LPCAT4: variants seen among roughly 807,000 people sequenced by gnomAD.
LPCAT4 encodes the protein lysophospholipid acyltransferase LPCAT4.
A neutral mutation model predicts 66.5 loss-of-function variants in LPCAT4; 30 were observed. That is an observed-to-expected ratio of 0.45 (90% CI 0.34 to 0.61). LPCAT4 has a LOEUF of 0.61. LPCAT4 is among the 20% of genes least tolerant of loss of function. The pLI is 0.01. For missense variants in LPCAT4, 557 were observed against 656.7 expected, an observed-to-expected ratio of 0.85 and a Z score of 1.66; for synonymous variants, 253 against 262.1, an observed-to-expected ratio of 0.97 and a Z score of 0.34.
rs1890867450 is a variant in LPCAT4 at position 34,358,635 on chromosome 15, T to C, written c.*492A>G. 1 of 152,326 alleles carries C rather than the reference T, an allele frequency of 6.6e-6. No individual in the cohort carries two copies. Among genetic ancestry groups the C allele is most frequent in the Non-Finnish European group, 1.5e-5 (1 of 68,058 alleles). The allele number at this position is 152,326 out of a possible 1,614,324, so 9.4% of individuals were successfully genotyped here. A position where few individuals can be genotyped will look rare whatever the true frequency, so the allele number is the denominator to read the frequency against. ...TTAAATATGGAATGGTAGCAAGCTA[T>C]TTTTTAATCTTTAATGAGGACAGAG... On this transcript the variant is annotated 3_prime_UTR_variant, in exon 14 of 14. Coordinates refer to ENST00000314891, the MANE Select transcript of LPCAT4 (RefSeq NM_153613.3).
Position 34,364,062 on chromosome 15 carries a change from A to G in LPCAT4, c.603T>C (p.Phe201=). Residue 201 remains phenylalanine, a synonymous_variant, in exon 5 of 14, where the codon TTT becomes TTC. Transcript: ENST00000314891. ...TCTTGTTGGAACAGGTGCCCTCAGG[A>G]AAGAATAGCACCTGGGGTAAAAAAG... ...SGGKWPQVLF[F]PEGTCSNKKA... is the part of the protein sequence containing the mutation. The G allele has an allele frequency of 2.5e-6, 4 of 1,613,226 alleles. No individual in the cohort carries two copies. Among genetic ancestry groups the G allele is most frequent in the Non-Finnish European group, 1.7e-6 (2 of 1,179,180 alleles).
chr15:34,366,846 T>C, intron 1 of LPCAT4, 141 bp downstream of exon 1: 1 of 1,328,024 alleles, frequency 7.5e-7, no homozygotes, highest in Non-Finnish European at 1.0e-6. Flanking sequence ...CGCCCCCACG[T>C]GCGCACCCCC....
intron 12 of LPCAT4, 174 bp from the exon 13 acceptor site, chr15:34,359,919 T>C: frequency 2.5e-6 from 2 of 815,592 alleles, no homozygotes; most frequent in Non-Finnish European, 3.8e-6. Context: ...TTCCTTCTTC[T>C]TCCTTCTTCT....
In LPCAT4 at chr15:34,362,245, C is replaced by T. The variant is rs1210654727; in HGVS notation, c.961G>A (p.Ala321Thr). 2.5e-6 allele frequency: 4 copies of T among 1,613,976 alleles called. No homozygotes were observed. The highest frequency in any genetic ancestry group is 3.4e-6 in the Non-Finnish European group (4 of 1,180,042). ...PVIVVGRLKV[A>T]LEPQLWELGK... ...AGTTCCCAGAGCTGTGGTTCCAACGCCACCTTCAGCCGGCCCACCACAATC... is the reference window on the plus strand; with the variant it reads ...AGTTCCCAGAGCTGTGGTTCCAACGTCACCTTCAGCCGGCCCACCACAATC... The change falls in exon 10 of 14, where the codon GCG (alanine) becomes ACG (threonine). Residue 321 changes from alanine (A) to threonine (T), a missense_variant. This residue lies in a region of LPCAT4 where 392 missense variants were observed against 473.9 expected (regional missense o/e 0.83). Transcript: ENST00000314891.
At chr15:34,362,948 C>A (rs1566894390) in intron 7 of LPCAT4, 112 bp from the exon 8 acceptor site, 1 of 1,042,212 alleles carries the variant, frequency 9.6e-7, no homozygotes, top group Non-Finnish European at 1.5e-6. Context: ...AAAAGTTCTG[C>A]CCATTGATAA....
At position 34,367,142 on chromosome 15, in the gene LPCAT4, C is replaced by G. The variant is rs1891101311; in HGVS notation, c.-42G>C. Reference sequence around the variant, plus strand: ...AGGGAGGGCACCCCGGCCCTGGCCCCGGCCACCACTCTGCAGAGCAGCTGC... The same window carrying G: ...AGGGAGGGCACCCCGGCCCTGGCCCGGGCCACCACTCTGCAGAGCAGCTGC... On this transcript the variant is annotated 5_prime_UTR_variant, in exon 1 of 14. Transcript: ENST00000314891. The G allele has an allele frequency of 2.7e-6, 4 of 1,488,240 alleles. No individual in the cohort carries two copies. Among genetic ancestry groups the G allele is most frequent in the South Asian group, 2.6e-5 (2 of 76,546 alleles). 92.2% of individuals were successfully genotyped at this position (1,488,240 alleles called of 1,614,324 possible).
chr15:34,365,350 G>T, intron 2 of LPCAT4, 122 bp from the exon 3 acceptor site: 2 of 1,224,394 alleles, frequency 1.6e-6, no homozygotes, highest in Non-Finnish European at 2.3e-6. Context: ...TGACCAAGGG[G>T]CCAAGGTCTC....
rs1891008985 is a variant in LPCAT4 at position 34,363,958 on chromosome 15, C to T, written c.652+55G>A. The T allele has an allele frequency of 5.7e-6, 9 of 1,567,024 alleles. No individual in the cohort carries two copies. Among genetic ancestry groups the T allele is most frequent in the Admixed American group, 1.7e-5 (1 of 58,724 alleles). On this transcript the variant is annotated intron_variant, in intron 5 of 13. Coordinates refer to ENST00000314891, the MANE Select transcript of LPCAT4 (RefSeq NM_153613.3). This position sits in a 1 kb window ranked among gnomAD's most constrained non-coding sequence, Gnocchi z 4.3. ...TCTTGGGTTATTTCAGAGTCCCTCC[C>T]CAAATCTGGAACTTCTTTTTCCTAC...
chr15:34,363,873 C>A lies in LPCAT4; in HGVS notation c.652+140G>T. 1 of 1,268,682 alleles carries A rather than the reference C, an allele frequency of 7.9e-7. No individual in the cohort carries two copies. 78.6% of individuals were successfully genotyped at this position (1,268,682 alleles called of 1,614,324 possible). On this transcript the variant is annotated intron_variant, in intron 5 of 13. Coordinates refer to ENST00000314891, the MANE Select transcript of LPCAT4 (RefSeq NM_153613.3). This position sits in a 1 kb window ranked among gnomAD's most constrained non-coding sequence, Gnocchi z 4.3. Reference sequence around the variant, plus strand: ...TTTTCTCTCTGACTCCTCGACTTGACAGCATTAGCTAGGAGGTTCCTGGTC... The same window carrying A: ...TTTTCTCTCTGACTCCTCGACTTGAAAGCATTAGCTAGGAGGTTCCTGGTC...
In LPCAT4 at chr15:34,367,010, G is replaced by C. The variant is rs1237536929; in HGVS notation, c.91C>G (p.Leu31Val). Reference sequence around the variant, plus strand: ...ACCTTAACCCTCTGGAGGCGAGAGAGATGTAACTCATGCACGAAGGGGTTG... The same window carrying C: ...ACCTTAACCCTCTGGAGGCGAGAGACATGTAACTCATGCACGAAGGGGTTG... ...SPNPFVHELH[L>V]SRLQRVKFCL... The change falls in exon 1 of 14, where the codon CTC becomes GTC. Residue 31 changes from leucine to valine, a missense_variant. Transcript: ENST00000314891. 2 of 1,483,002 alleles carry C rather than the reference G, an allele frequency of 1.3e-6. No homozygotes were observed. The highest frequency in any genetic ancestry group is 9.1e-7 in the Non-Finnish European group (1 of 1,094,094). 91.9% of individuals were successfully genotyped at this position (1,483,002 alleles called of 1,614,324 possible).
chr15:34,366,240 C>A (rs1459535110), intron 1 of LPCAT4, among the ~76,000 whole-genome samples: 1 of 152,198 alleles, frequency 6.6e-6, no homozygotes, highest in African/African-American at 2.4e-5. Context: ...ATATGGGAGA[C>A]AAGAGCTCGG....
intron 1 of LPCAT4, among the ~76,000 whole-genome samples, chr15:34,366,738 G>A (rs1891087139): frequency 6.6e-6 from 1 of 151,038 alleles, no homozygotes; most frequent in Non-Finnish European, 1.5e-5. Flanking sequence ...GTCCCCTGCA[G>A]CCCTCCATCC....
In LPCAT4 at chr15:34,361,511, G is replaced by T. The variant is rs369192033; in HGVS notation, c.1032C>A (p.Asp344Glu). The T allele has an allele frequency of 5.0e-6, 8 of 1,613,782 alleles. No individual in the cohort carries two copies. The highest frequency in any genetic ancestry group is 5.9e-6 in the Non-Finnish European group (7 of 1,180,040). Residue 344 changes from aspartate (D) to glutamate (E), a missense_variant, in exon 11 of 14, where the codon GAC (aspartate) becomes GAA (glutamate). Physicochemically the swap from Asp to Glu is conservative, Grantham distance 45. Transcript: ENST00000314891. ...GACTCCGGCCTGGCTCTGCCCCAGC[G>T]TCCACATAGCCAGCGGACAGCCTAC... Reference protein sequence around the residue: ...RKAGLSAGYVDAGAEPGRSRM... With the variant: ...RKAGLSAGYVEAGAEPGRSRM...
In LPCAT4 at chr15:34,363,709, G is replaced by A. The variant is rs757684300; in HGVS notation, c.663C>T (p.Ile221=). ...GGACAGGCTGCACAGGCACCCCTGCGATGAAGGCTCCTAAATCCCATTTCC... is the reference window on the plus strand; with the variant it reads ...GGACAGGCTGCACAGGCACCCCTGCAATGAAGGCTCCTAAATCCCATTTCC... ...ALLKFKPGAF[I]AGVPVQPVLI... is the part of the protein sequence containing the mutation. Residue 221 remains isoleucine (I), a synonymous_variant, in exon 6 of 14, where the codon ATC becomes ATT. Coordinates refer to ENST00000314891, the MANE Select transcript of LPCAT4 (RefSeq NM_153613.3). This position sits in a 1 kb window ranked among gnomAD's most constrained non-coding sequence, Gnocchi z 4.3. The A allele has an allele frequency of 1.1e-5, 17 of 1,614,192 alleles. No individual in the cohort carries two copies. The South Asian group carries it at 1.1e-4, about 10-fold the overall frequency.
In LPCAT4 at chr15:34,361,475, G is replaced by A; in HGVS notation, c.1068C>T (p.Ser356=). Residue 356 remains serine, a synonymous_variant, in exon 11 of 14, where the codon AGC becomes AGT. Transcript: ENST00000314891. ...GAEPGRSRMI[S]QEEFARQLQL... ...GTAGCTGCCTGGCAAACTCTTCCTG[G>A]CTGATCATTCGACTCCGGCCTGGCT... 6.2e-7 allele frequency: 1 copy of A among 1,614,142 alleles called. No individual in the cohort carries two copies. Among genetic ancestry groups the A allele is most frequent in the Non-Finnish European group, 8.5e-7 (1 of 1,180,034 alleles).
Position 34,359,590 on chromosome 15 carries a change from G to A in LPCAT4, c.1398C>T (p.Leu466=). 1 of 1,611,734 alleles carries A rather than the reference G, an allele frequency of 6.2e-7. No individual in the cohort carries two copies. Among genetic ancestry groups the A allele is most frequent in the Non-Finnish European group, 8.5e-7 (1 of 1,179,642 alleles). Reference sequence around the variant, plus strand: ...GGGGCTGAGAAGGCAGTGACTCACAGAGGGAGAGGCCTTGGCTGGATCCTG... The same window carrying A: ...GGGGCTGAGAAGGCAGTGACTCACAAAGGGAGAGGCCTTGGCTGGATCCTG... ...CQAGSSQGLS[L]CQFQNFSLHD... is the part of the protein sequence containing the mutation. The change falls in exon 13 of 14, where the codon CTC becomes CTT. Residue 466 remains leucine, a splice_region_variant and synonymous_variant. Coordinates refer to ENST00000314891, the MANE Select transcript of LPCAT4 (RefSeq NM_153613.3).
chr15:34,362,365 G>T (rs373830103), intron 9 of LPCAT4, 44 bp from the exon 10 acceptor site: 3 of 1,611,860 alleles, frequency 1.9e-6, no homozygotes, highest in Middle Eastern at 1.7e-4. Context: ...GGAAGCAGAA[G>T]AAACTTCTGA....
intron 10 of LPCAT4, 59 bp downstream of exon 10, chr15:34,362,136 TA>T: frequency 2.2e-6 from 2 of 898,762 alleles, no homozygotes; most frequent in Non-Finnish European, 3.1e-6. Flanking sequence ...CTCCCCTTCT[TA>T]TTCTCTCTCT....
At chr15:34,359,359 C>A in intron 13 of LPCAT4, 57 bp from the exon 14 acceptor site, 1 of 1,442,600 alleles carries the variant, frequency 6.9e-7, no homozygotes, top group South Asian at 1.5e-5. Flanking sequence ...AAGAGAATCT[C>A]CCTGCTTTTT....
Sources: gnomAD v4.1 joint callset for allele counts (sites outside exome capture counted in the v4.1 genomes callset) on GRCh38, gnomAD v4.1.1 for gene constraint, gnomAD v4.1.1 regional missense constraint, Gnocchi (gnomAD v3.1) non-coding constraint, MANE v1.5 for transcripts, NCBI Gene and HGNC (gene_info 2026-07-23, HGNC 2026-07-21) for gene names.